Variants in ABR observed in about 807,000 individuals in gnomAD.
The protein encoded by ABR is ABR activator of RhoGEF and GTPase, also known as active breakpoint cluster region-related protein.
A neutral mutation model predicts 107.2 loss-of-function variants in ABR; 35 were observed. The observed-to-expected ratio is 0.33, with a 90% CI of 0.25 to 0.43. The LOEUF is 0.43. Among genes scored for constraint, ABR ranks in the 20% least tolerant of loss-of-function variants. The pLI, the probability that ABR is intolerant of heterozygous loss-of-function variation, is 1.00. For synonymous variants in ABR, 498 were observed against 462.0 expected (o/e 1.08, Z -1.00); for missense variants, 815 against 1,115.2 (o/e 0.73, Z 3.83).
At chr17:1,012,176 A>G (rs760082467) in intron 18 of ABR, 191 bp from the exon 19 acceptor site, 5 of 891,236 alleles carry the variant, frequency 5.6e-6, no homozygotes, top group Non-Finnish European at 8.9e-6. Flanking sequence ...GGCCTGCCGA[A>G]GGGGCATCGA....
Position 1,050,506 on chromosome 17 carries a change from C to A in ABR, c.1659+31G>T, listed in dbSNP as rs755940566. 1 of 1,595,800 alleles carries A rather than the reference C, an allele frequency of 6.3e-7. No homozygotes were observed. The highest frequency in any genetic ancestry group is 1.7e-5 in the Admixed American group (1 of 59,986). Reference sequence around the variant, plus strand: ...AGCCACGAGCACGGGGTGGTGGGGTCCCCACAGAGATGCCAGCCCCTGCCA... The same window carrying A: ...AGCCACGAGCACGGGGTGGTGGGGTACCCACAGAGATGCCAGCCCCTGCCA... On this transcript the variant is annotated intron_variant, in intron 15 of 22. Coordinates refer to ENST00000302538, the MANE Select transcript of ABR (RefSeq NM_021962.5). This position sits in a 1 kb window ranked among gnomAD's most constrained non-coding sequence, Gnocchi z 4.6.
intron 10 of ABR, 126 bp from the exon 11 acceptor site, chr17:1,058,993 A>C: frequency 7.1e-7 from 1 of 1,408,146 alleles, no homozygotes; most frequent in Non-Finnish European, 9.6e-7. Flanking sequence ...TGATGTTTTG[A>C]CATCTTGTGG....
Position 1,162,774 on chromosome 17 carries a change from C to T in ABR, c.61+16893G>A, listed in dbSNP as rs563399799. On this transcript the variant is annotated intron_variant, in intron 1 of 22. Transcript: ENST00000302538. The stretch of plus-strand genomic sequence containing the variant: ...GCACCCCGGCTCACACCTGTCATCC[C>T]AGCACTTTGAAAGGCTAGGCCAAGC... 2.6e-5 allele frequency among the ~76,000 whole-genome samples: 4 copies of T among 152,240 alleles called. No homozygotes were observed. The South Asian group carries it at 8.3e-4, about 32-fold the overall frequency.
Position 1,010,134 on chromosome 17 carries a change from G to C in ABR, c.2237-350C>G, listed in dbSNP as rs1442102234. The C allele has an allele frequency of 3.2e-6, 1 of 316,140 alleles. No homozygotes were observed. Among genetic ancestry groups the C allele is most frequent in the Non-Finnish European group, 6.0e-6 (1 of 167,512 alleles). 19.6% of individuals were successfully genotyped at this position (316,140 alleles called of 1,614,324 possible). On this transcript the variant is annotated intron_variant, in intron 20 of 22. Coordinates refer to ENST00000302538, the MANE Select transcript of ABR (RefSeq NM_021962.5). This position sits in a 1 kb window ranked among gnomAD's most constrained non-coding sequence, Gnocchi z 4.1. ...GCCAGTAGGGACATATCCTGCCAGC[G>C]GTGGATTCTCTTTCTCCACCCCTTC...
upstream of ABR, chr17:1,187,424 G>A (rs7212333): frequency 0.11 from 16,577 of 152,360 alleles, 1,151 homozygotes; most frequent in African/African-American, 0.19. Context: ...CCAGCCAAGC[G>A]GCCCGCAAGT....
At position 1,172,664 on chromosome 17, in the gene ABR, G is replaced by A. The variant is rs561088707; in HGVS notation, c.61+7003C>T. Among the ~76,000 whole-genome samples, 11 of 152,066 alleles carry A rather than the reference G, an allele frequency of 7.2e-5. No homozygotes were observed. In the East Asian group the frequency reaches 2.1e-3, roughly 29 times the overall value. On this transcript the variant is annotated intron_variant, in intron 1 of 22. Coordinates refer to ENST00000302538, the MANE Select transcript of ABR (RefSeq NM_021962.5). ...CTCAGGAGGCTGAGGCAGGAGAATC[G>A]CTTGAACCCAGGAGGTGGAGGTTGC...
At chr17:1,102,005 T>A (rs2037929224) in intron 2 of ABR, among the ~76,000 whole-genome samples, 1 of 152,114 alleles carries the variant, frequency 6.6e-6, no homozygotes, top group South Asian at 2.1e-4. Context: ...AGTGCTGGGA[T>A]TACAGGTGTG....
At chr17:1,139,356 A>T (rs1209173978) in intron 1 of ABR, among the ~76,000 whole-genome samples, 2 of 152,120 alleles carry the variant, frequency 1.3e-5, no homozygotes, top group East Asian at 3.9e-4. Flanking sequence ...GGTTCAAGCC[A>T]TTCTCCTGCC....
At chr17:1,031,864 C>T in intron 16 of ABR, 1 of 1,201,966 alleles carries the variant, frequency 8.3e-7, no homozygotes, top group Non-Finnish European at 1.0e-6. Context: ...CTCCCTCCCT[C>T]CCTCCCCGCG....
At chr17:1,057,357 TGTGTGTGTGG>T (rs2033430766) in intron 12 of ABR, among the ~76,000 whole-genome samples, 1 of 117,298 alleles carries the variant, frequency 8.5e-6, no homozygotes, top group African/African-American at 3.6e-5. Context: ...TGTGTGTGTG[TGTGTGTGTGG>T]TGTATGCGTT....
exon 1 of ABR, among the ~76,000 whole-genome samples, chr17:1,229,430 G>A (rs530310282): frequency 1.5e-4 from 22 of 151,714 alleles, no homozygotes; most frequent in African/African-American, 5.3e-4. Context: ...AGTCTCCGCC[G>A]CCGCCCCGGG....
chr17:1,077,807 A>G (rs1279117870), intron 6 of ABR, among the ~76,000 whole-genome samples: 1 of 152,200 alleles, frequency 6.6e-6, no homozygotes, highest in Non-Finnish European at 1.5e-5. Context: ...AGGAAGAGGA[A>G]GGTCCTAAAA....
At chr17:1,076,720 G>GT (rs1223669743) in intron 6 of ABR, among the ~76,000 whole-genome samples, 1 of 112,346 alleles carries the variant, frequency 8.9e-6, no homozygotes, top group East Asian at 2.9e-4. Flanking sequence ...TGCACGGGGG[G>GT]GGTGGGGGTG....
chr17:1,008,788 T>G (rs1486304573), intron 21 of ABR, among the ~76,000 whole-genome samples: 1 of 152,102 alleles, frequency 6.6e-6, no homozygotes, highest in Non-Finnish European at 1.5e-5. Context: ...GGCGTGCAGG[T>G]GGGTTTAAGG....
chr17:1,009,664 G>T lies in ABR; in HGVS notation c.2342+15C>A, dbSNP rs1272064121. The T allele has an allele frequency of 1.2e-6, 2 of 1,608,472 alleles. No homozygotes were observed. The highest frequency in any genetic ancestry group is 3.3e-5 in the Admixed American group (2 of 60,006). On this transcript the variant is annotated intron_variant, in intron 21 of 22. Transcript: ENST00000302538. ...GAGGGACTGAGGAGGTGGGGTTGGG[G>T]CCGCTCCCCGTTACCTTTTCAAGTG...
At chr17:1,166,362 T>C (rs1009144582) in intron 1 of ABR, among the ~76,000 whole-genome samples, 8 of 152,022 alleles carry the variant, frequency 5.3e-5, no homozygotes, top group African/African-American at 1.9e-4. Flanking sequence ...ACATTCAGCG[T>C]CCTCTTCACC....
intron 16 of ABR, among the ~76,000 whole-genome samples, chr17:1,042,376 C>A (rs80282705): frequency 1.3e-5 from 2 of 151,060 alleles, no homozygotes; most frequent in Non-Finnish European, 2.9e-5. Flanking sequence ...GATGGATAAA[C>A]AGACGTGGCA....
rs995524498 is a variant in ABR, at chr17:1,014,389, C to T, written c.1792-1225G>A. On this transcript the variant is annotated intron_variant, in intron 16 of 22. Transcript: ENST00000302538. ...CCGGGAGGCAGAGCTTGCAGTGAGC[C>T]GAGATCGCGCCACTGCACTCCAGCC... Among the ~76,000 whole-genome samples, 7 of 141,824 alleles carry T rather than the reference C, an allele frequency of 4.9e-5. No homozygotes were observed. The East Asian group carries it at 1.1e-3, about 22-fold the overall frequency. The allele number at this position is 141,824 out of a possible 152,430, so 93.0% of individuals were successfully genotyped here.
intron 10 of ABR, among the ~76,000 whole-genome samples, chr17:1,064,530 T>C (rs56281020): frequency 4.4e-5 from 5 of 113,972 alleles, no homozygotes; most frequent in Admixed American, 9.0e-5. Flanking sequence ...CATGTTCCTC[T>C]AGACACTGTT....
Sources: gnomAD v4.1 joint callset for allele counts (sites outside exome capture counted in the v4.1 genomes callset) on GRCh38, gnomAD v4.1.1 for gene constraint, Gnocchi (gnomAD v3.1) non-coding constraint, MANE v1.5 for transcripts, NCBI Gene and HGNC (gene_info 2026-07-23, HGNC 2026-07-21) for gene names.